The following RASEF variants were observed in gnomAD, a reference collection of about 807,000 sequenced individuals.
RASEF encodes RAS and EF-hand domain containing.
RASEF carries 68 observed loss-of-function variants against 90.1 expected under a neutral mutation model. That is an observed-to-expected ratio of 0.75 (90% confidence interval 0.62 to 0.92). The LOEUF is 0.92. Among genes scored for constraint, RASEF ranks in the 40% least tolerant of loss-of-function variants. RASEF has a pLI of 0.00. For missense variants in RASEF, 949 were observed against 937.2 expected, an observed-to-expected ratio of 1.01 and a Z score of -0.16; for synonymous variants, 331 against 345.2, an observed-to-expected ratio of 0.96 and a Z score of 0.46.
intron 16 of RASEF, among the ~76,000 whole-genome samples, chr9:82,983,150 C>CACAT (rs1564066605): frequency 4.0e-5 from 6 of 150,676 alleles, no homozygotes; most frequent in African/African-American, 1.5e-4. Context: ...CACACACACA[C>CACAT]ACACACCCTT....
chr9:83,150,814 T>C, the RASEF span, among the ~76,000 whole-genome samples: 2 of 152,186 alleles, frequency 1.3e-5, no homozygotes, highest in African/African-American at 4.8e-5. Flanking sequence ...GATCTACTGA[T>C]GAAATGCTAG....
chr9:83,079,423 A>G, the RASEF span, among the ~76,000 whole-genome samples: 6 of 152,192 alleles, frequency 3.9e-5, no homozygotes, highest in Non-Finnish European at 8.8e-5. Context: ...TTGTACCAGT[A>G]CCATGACGTT....
At chr9:83,128,838 G>C in the RASEF span, among the ~76,000 whole-genome samples, 1 of 152,164 alleles carries the variant, frequency 6.6e-6, no homozygotes, top group Non-Finnish European at 1.5e-5. Flanking sequence ...TCCTGTAGCA[G>C]GTAGCATGGC....
chr9:82,986,199 C>CTAAG (rs1262975185), intron 16 of RASEF, among the ~76,000 whole-genome samples: 1 of 152,194 alleles, frequency 6.6e-6, no homozygotes, highest in African/African-American at 2.4e-5. Flanking sequence ...TTGCCACTTA[C>CTAAG]TAGCTGTGTC....
At chr9:83,193,917 G>A in the RASEF span, among the ~76,000 whole-genome samples, 12 of 152,272 alleles carry the variant, frequency 7.9e-5, no homozygotes, top group African/African-American at 2.6e-4. Flanking sequence ...TATGAAGTTC[G>A]AGGGTAAATG....
the RASEF span, among the ~76,000 whole-genome samples, chr9:83,195,622 T>C: frequency 2.6e-5 from 4 of 152,092 alleles, no homozygotes; most frequent in Non-Finnish European, 5.9e-5. Flanking sequence ...GGAGCTTACA[T>C]ACCAGCAGGG....
chr9:83,192,932 G>T, the RASEF span, among the ~76,000 whole-genome samples: 13 of 152,284 alleles, frequency 8.5e-5, no homozygotes, highest in South Asian at 2.7e-3. Context: ...AAAACCATGA[G>T]AATGTGTGTT....
At chr9:83,026,004 T>C (rs1238582585) in intron 1 of RASEF, 83 bp from the exon 2 acceptor site, 1 of 1,007,666 alleles carries the variant, frequency 9.9e-7, no homozygotes, top group Non-Finnish European at 1.4e-6. Flanking sequence ...AAGAGAAACA[T>C]AAATGAAGAA....
chr9:83,107,580 C>G, the RASEF span, among the ~76,000 whole-genome samples: 1 of 152,170 alleles, frequency 6.6e-6, no homozygotes, highest in Non-Finnish European at 1.5e-5. Context: ...CCTAAAACAA[C>G]TCTCATGAAG....
chr9:83,185,980 A>C, the RASEF span, among the ~76,000 whole-genome samples: 2 of 151,778 alleles, frequency 1.3e-5, no homozygotes, highest in Non-Finnish European at 2.9e-5. Context: ...CGGGGGGGGC[A>C]AGGGGGGTGT....
the RASEF span, among the ~76,000 whole-genome samples, chr9:83,170,148 C>T: frequency 1.6e-4 from 24 of 152,068 alleles, no homozygotes; most frequent in African/African-American, 5.5e-4. Flanking sequence ...CTGAACATGG[C>T]TATCAGTTTT....
intron 3 of RASEF, among the ~76,000 whole-genome samples, chr9:83,017,499 CAA>C (rs35361702): frequency 6.9e-6 from 1 of 144,676 alleles, no homozygotes; most frequent in Non-Finnish European, 1.5e-5. Flanking sequence ...GACTCTGTCT[CAA>C]AAAAAAAAAG....
At chr9:83,191,919 A>T in the RASEF span, among the ~76,000 whole-genome samples, 1 of 152,330 alleles carries the variant, frequency 6.6e-6, no homozygotes, top group East Asian at 1.9e-4. Context: ...TAAAAGCTAG[A>T]TATGTGGCCA....
At chr9:83,176,788 A>C in the RASEF span, among the ~76,000 whole-genome samples, 86 of 151,948 alleles carry the variant, frequency 5.7e-4, no homozygotes, top group African/African-American at 1.9e-3. Context: ...TTTTTGTGCT[A>C]TTATCATTAT....
chr9:83,210,317 G>A, the RASEF span, among the ~76,000 whole-genome samples: 1 of 152,178 alleles, frequency 6.6e-6, no homozygotes, highest in Non-Finnish European at 1.5e-5. Flanking sequence ...ATTTTAAATG[G>A]CAAGACTTCC....
the RASEF span, among the ~76,000 whole-genome samples, chr9:83,096,638 T>C: frequency 4.6e-5 from 7 of 152,170 alleles, no homozygotes; most frequent in South Asian, 1.2e-3. Context: ...TTTTTTTTTT[T>C]CTTTTATTAT....
At chr9:83,105,940 A>G in the RASEF span, among the ~76,000 whole-genome samples, 1 of 152,204 alleles carries the variant, frequency 6.6e-6, no homozygotes, top group Non-Finnish European at 1.5e-5. Flanking sequence ...GATCATCATC[A>G]TCTAAGCCCA....
Position 83,007,450 on chromosome 9 carries a change from T to C in RASEF, c.1015A>G (p.Ile339Val). ...CTGCGGACTTACTGGAGTATTTCAA[T>C]TTGCCTCTCAAGACTATTTCGATCT... is the stretch of plus-strand genomic sequence containing the variant. ...TEDRNSLERQ[I>V]EILQTANRKL... Residue 339 changes from isoleucine (I) to valine (V), a missense_variant, in exon 7 of 17, where the codon ATT becomes GTT. Physicochemically the swap from Ile to Val is conservative, Grantham distance 29. Transcript: ENST00000376447. The C allele has an allele frequency of 6.2e-7, 1 of 1,611,142 alleles. No homozygotes were observed. Among genetic ancestry groups the C allele is most frequent in the Non-Finnish European group, 8.5e-7 (1 of 1,177,282 alleles).
At chr9:83,024,107 G>C (rs542993873) in intron 2 of RASEF, among the ~76,000 whole-genome samples, 1 of 152,310 alleles carries the variant, frequency 6.6e-6, no homozygotes, top group East Asian at 1.9e-4. Flanking sequence ...AAGCATGCAA[G>C]GAATGGTTTA....
Sources: gnomAD v4.1 joint callset for allele counts (sites outside exome capture counted in the v4.1 genomes callset) on GRCh38, gnomAD v4.1.1 for gene constraint, MANE v1.5 for transcripts, NCBI Gene and HGNC (gene_info 2026-07-23, HGNC 2026-07-21) for gene names.